Variants in ATP8A1 observed in about 807,000 individuals in gnomAD.
ATP8A1 encodes the protein ATPase phospholipid transporting 8A1, also known as phospholipid-transporting ATPase IA.
Under a neutral mutation model 177.7 loss-of-function variants are expected in ATP8A1, and 90 were observed. The observed-to-expected ratio is 0.51, with a 90% confidence interval of 0.43 to 0.60. The LOEUF is 0.60. Ranked by LOEUF, ATP8A1 falls within the 20% of genes least tolerant of loss-of-function variation. The probability of loss-of-function intolerance (pLI) is 0.00; values close to 1 mark genes in which losing one functional copy is unlikely to be tolerated. For synonymous variants in ATP8A1, 493 were observed against 485.9 expected (o/e 1.01, Z -0.19); for missense variants, 1,072 against 1,392.8 (o/e 0.77, Z 3.67).
chr4:42,642,634 C>A (rs1740122442), intron 1 of ATP8A1, among the ~76,000 whole-genome samples: 1 of 152,152 alleles, frequency 6.6e-6, no homozygotes, highest in African/African-American at 2.4e-5. Flanking sequence ...CCTACTCAAT[C>A]CACAGGTAGA....
At chr4:42,473,110 C>T (rs114833012) in intron 25 of ATP8A1, among the ~76,000 whole-genome samples, 213 of 152,248 alleles carry the variant, frequency 1.4e-3, no homozygotes, top group African/African-American at 5.0e-3. Context: ...TGGAATTGGA[C>T]TTGGAAAAGA....
At chr4:42,652,706 C>A (rs892639910) in intron 1 of ATP8A1, among the ~76,000 whole-genome samples, 1 of 152,146 alleles carries the variant, frequency 6.6e-6, no homozygotes, top group Admixed American at 6.5e-5. Context: ...GTTCTCATGA[C>A]AGTGAATAAG....
At chr4:42,432,083 T>G (rs1027339422) in intron 33 of ATP8A1, among the ~76,000 whole-genome samples, 1 of 152,164 alleles carries the variant, frequency 6.6e-6, no homozygotes, top group Non-Finnish European at 1.5e-5. Flanking sequence ...CCCATTTCAG[T>G]CTCATCTCAC....
chr4:42,507,792 A>C (rs1244175821), intron 22 of ATP8A1, among the ~76,000 whole-genome samples: 15 of 137,822 alleles, frequency 1.1e-4, no homozygotes, highest in African/African-American at 3.6e-4. Flanking sequence ...AAAAAAAAAA[A>C]AAAAAAAAAA....
chr4:42,601,582 G>T (rs1323022991), intron 5 of ATP8A1, among the ~76,000 whole-genome samples: 1 of 151,572 alleles, frequency 6.6e-6, no homozygotes, highest in Non-Finnish European at 1.5e-5. Context: ...GGATAAGAGA[G>T]TATGTGAGGT....
chr4:42,532,634 C>A (rs1727390691), intron 20 of ATP8A1, among the ~76,000 whole-genome samples: 1 of 152,118 alleles, frequency 6.6e-6, no homozygotes, highest in Non-Finnish European at 1.5e-5. Context: ...TTGAAAATGG[C>A]AGATAGGAGG....
At chr4:42,472,813 T>C (rs1344957727) in intron 25 of ATP8A1, among the ~76,000 whole-genome samples, 2 of 150,446 alleles carry the variant, frequency 1.3e-5, no homozygotes, top group Non-Finnish European at 3.0e-5. Context: ...CCTAAAAACA[T>C]TAATTTGGAT....
chr4:42,611,468 C>T (rs564123497), intron 5 of ATP8A1, among the ~76,000 whole-genome samples: 1 of 152,178 alleles, frequency 6.6e-6, no homozygotes, highest in African/African-American at 2.4e-5. Flanking sequence ...GATCGCAGCT[C>T]TATCTCCCAC....
At chr4:42,522,019 A>T in intron 22 of ATP8A1, 141 bp downstream of exon 22, 1 of 907,444 alleles carries the variant, frequency 1.1e-6, no homozygotes, top group Non-Finnish European at 1.6e-6. Flanking sequence ...AATACTTGTT[A>T]ATGCTTAGAT....
intron 20 of ATP8A1, among the ~76,000 whole-genome samples, chr4:42,541,538 T>G (rs184436007): frequency 3.9e-5 from 6 of 152,322 alleles, no homozygotes; most frequent in Admixed American, 3.9e-4. Context: ...CCAAATGAGA[T>G]GAAAACCTAT....
At chr4:42,420,770 CTTT>C (rs34285804) in intron 35 of ATP8A1, among the ~76,000 whole-genome samples, 19 of 121,238 alleles carry the variant, frequency 1.6e-4, no homozygotes, top group Non-Finnish European at 1.8e-4. Context: ...AGCTAGAACT[CTTT>C]TTTTTTTTTT....
chr4:42,516,749 A>C (rs887940290), intron 22 of ATP8A1, among the ~76,000 whole-genome samples: 2 of 152,218 alleles, frequency 1.3e-5, no homozygotes, highest in African/African-American at 4.8e-5. Flanking sequence ...TTTCAAAGGA[A>C]TCTAGTAGCA....
At chr4:42,446,453 T>C in intron 31 of ATP8A1, 130 bp downstream of exon 31, 1 of 831,940 alleles carries the variant, frequency 1.2e-6, no homozygotes, top group Admixed American at 2.9e-5. Flanking sequence ...TCTTACTTAA[T>C]TTTTAAAGGG....
At chr4:42,462,477 T>G (rs1187278632) in intron 27 of ATP8A1, among the ~76,000 whole-genome samples, 4 of 152,218 alleles carry the variant, frequency 2.6e-5, no homozygotes, top group African/African-American at 9.6e-5. Flanking sequence ...AGCTTCCATG[T>G]GGTGTTGAGC....
intron 30 of ATP8A1, among the ~76,000 whole-genome samples, chr4:42,447,568 A>G (rs930764586): frequency 6.6e-6 from 1 of 152,228 alleles, no homozygotes; most frequent in Non-Finnish European, 1.5e-5. Flanking sequence ...AAAATAAGCA[A>G]GAGCTGAATA....
intron 33 of ATP8A1, among the ~76,000 whole-genome samples, chr4:42,427,980 G>A (rs1714815871): frequency 6.6e-6 from 1 of 152,194 alleles, no homozygotes; most frequent in South Asian, 2.1e-4. Context: ...CAAAATACTA[G>A]TTAAAGCTAA....
At chr4:42,435,456 A>AC (rs1434773040) in intron 33 of ATP8A1, among the ~76,000 whole-genome samples, 1 of 101,014 alleles carries the variant, frequency 9.9e-6, no homozygotes, top group African/African-American at 3.2e-5. Flanking sequence ...AAAACAAAAA[A>AC]AAAAAAACAA....
intron 1 of ATP8A1, among the ~76,000 whole-genome samples, chr4:42,630,608 C>T (rs1011437470): frequency 1.3e-5 from 2 of 152,160 alleles, no homozygotes; most frequent in African/African-American, 4.8e-5. Context: ...TCTCTCTCAG[C>T]TTTTCCTAGC....
At chr4:42,542,640 T>C (rs1037636358) in intron 20 of ATP8A1, among the ~76,000 whole-genome samples, 4 of 152,094 alleles carry the variant, frequency 2.6e-5, no homozygotes, top group East Asian at 1.9e-4. Flanking sequence ...CCCGTGTCCA[T>C]GTGTTCTCAT....
Sources: allele counts gnomAD v4.1 joint callset (sites outside exome capture counted in the v4.1 genomes callset), GRCh38; gene constraint gnomAD v4.1.1; transcripts MANE v1.5; gene names NCBI Gene and HGNC (gene_info 2026-07-23, HGNC 2026-07-21).